The following ELOVL5 variants were observed in gnomAD, a reference collection of about 807,000 sequenced individuals.
The protein encoded by ELOVL5 is ELOVL fatty acid elongase 5.
ELOVL5 carries 8 observed loss-of-function variants against 38.6 expected under a neutral mutation model. The observed-to-expected ratio is 0.21, with a 90% CI of 0.12 to 0.37. The LOEUF (loss-of-function observed/expected upper bound fraction) is 0.37, where lower values mean the gene tolerates loss of function less well. ELOVL5 is among the 10% of genes least tolerant of loss of function. The probability of loss-of-function intolerance (pLI) is 1.00; values close to 1 mark genes in which losing one functional copy is unlikely to be tolerated. For missense variants in ELOVL5, 280 were observed against 367.8 expected (o/e 0.76, Z 1.95); for synonymous variants, 127 against 133.7 (o/e 0.95, Z 0.34).
In ELOVL5 at chr6:53,323,481, T is replaced by A. The variant is rs573470360; in HGVS notation, c.-9+25336A>T. Among the ~76,000 whole-genome samples the A allele has an allele frequency of 6.6e-5, 10 of 151,588 alleles. No homozygotes were observed. In the East Asian group the frequency reaches 1.9e-3, roughly 29 times the overall value. On this transcript the variant is annotated intron_variant, in intron 1 of 7. Coordinates refer to ENST00000304434, the MANE Select transcript of ELOVL5 (RefSeq NM_021814.5). ...AGACATGACATAAAAGCAAATACAGTGATAACATGATCTCAGTGAAGCTAT... is the reference window on the plus strand; with the variant it reads ...AGACATGACATAAAAGCAAATACAGAGATAACATGATCTCAGTGAAGCTAT...
intron 1 of ELOVL5, among the ~76,000 whole-genome samples, chr6:53,310,617 T>C (rs1188886608): frequency 6.6e-6 from 1 of 152,158 alleles, no homozygotes; most frequent in African/African-American, 2.4e-5. Context: ...ATGTTGTTAA[T>C]TTGGAGACAG....
intron 1 of ELOVL5, among the ~76,000 whole-genome samples, chr6:53,346,946 G>A (rs1769572632): frequency 6.6e-6 from 1 of 152,172 alleles, no homozygotes; most frequent in African/African-American, 2.4e-5. Context: ...ACCACCATTT[G>A]GCAGACTCAA....
intron 1 of ELOVL5, among the ~76,000 whole-genome samples, chr6:53,298,811 T>A (rs1402977353): frequency 6.8e-6 from 1 of 147,108 alleles, no homozygotes; most frequent in Admixed American, 7.1e-5. Flanking sequence ...ATGCCATCAG[T>A]GAGCTCCAAT....
At chr6:53,348,634 AC>A (rs1432733272) in intron 1 of ELOVL5, among the ~76,000 whole-genome samples, 182 bp downstream of exon 1, 1 of 152,078 alleles carries the variant, frequency 6.6e-6, no homozygotes, top group African/African-American at 2.4e-5. Context: ...GCCGGGCTGT[AC>A]CCCGGAGCCG....
chr6:53,278,786 C>T (rs998439358), intron 3 of ELOVL5, among the ~76,000 whole-genome samples: 1 of 152,210 alleles, frequency 6.6e-6, no homozygotes, highest in Non-Finnish European at 1.5e-5. Flanking sequence ...CTGCTACTCA[C>T]ACCTACCACA....
intron 3 of ELOVL5, among the ~76,000 whole-genome samples, chr6:53,283,154 T>G (rs1054125053): frequency 2.0e-5 from 3 of 152,216 alleles, no homozygotes; most frequent in Non-Finnish European, 4.4e-5. Flanking sequence ...TCTCTCACTA[T>G]AAACACAGGT....
intron 3 of ELOVL5, among the ~76,000 whole-genome samples, chr6:53,283,633 C>T (rs1019214602): frequency 6.6e-6 from 1 of 151,954 alleles, no homozygotes; most frequent in Non-Finnish European, 1.5e-5. Flanking sequence ...AAACTAAAAA[C>T]ACAATAGATG....
chr6:53,314,948 GTAT>G (rs950516603), intron 1 of ELOVL5, among the ~76,000 whole-genome samples: 1 of 152,176 alleles, frequency 6.6e-6, no homozygotes, highest in Non-Finnish European at 1.5e-5. Flanking sequence ...TGTTTAAAAT[GTAT>G]TATGTTTTTC....
chr6:53,348,056 G>T (rs1247935952), intron 1 of ELOVL5, among the ~76,000 whole-genome samples: 1 of 134,044 alleles, frequency 7.5e-6, no homozygotes, highest in Non-Finnish European at 1.6e-5. Context: ...GCAGCCAACC[G>T]CTCCCGCCTC....
In ELOVL5 at chr6:53,267,859, A is replaced by T. The variant is rs1765793282; in HGVS notation, c.*1268T>A. Reference sequence around the variant, plus strand: ...GACACTTTAAAATGACACACATCATAGGCTTTACCTGTTTGACCACTGCCT... The same window carrying T: ...GACACTTTAAAATGACACACATCATTGGCTTTACCTGTTTGACCACTGCCT... On this transcript the variant is annotated 3_prime_UTR_variant, in exon 8 of 8. Transcript: ENST00000304434. 6.6e-6 allele frequency: 1 copy of T among 152,354 alleles called. No homozygotes were observed. The highest frequency in any genetic ancestry group is 2.4e-5 in the African/African-American group (1 of 41,474). 9.4% of individuals were successfully genotyped at this position (152,354 alleles called of 1,614,324 possible).
intron 1 of ELOVL5, among the ~76,000 whole-genome samples, chr6:53,335,691 C>T (rs576117578): frequency 6.4e-4 from 97 of 152,242 alleles, no homozygotes; most frequent in African/African-American, 2.3e-3. Context: ...CCGGTTCTTG[C>T]CCAAACTCTA....
At chr6:53,284,301 CT>C (rs5876312) in intron 3 of ELOVL5, among the ~76,000 whole-genome samples, 44,156 of 147,776 alleles carry the variant, frequency 0.3, 6,760 homozygotes, top group Middle Eastern at 0.42. Context: ...GCAAGACCAT[CT>C]TTTTTTTTTT....
intron 3 of ELOVL5, among the ~76,000 whole-genome samples, chr6:53,276,475 C>T (rs761567799): frequency 6.6e-6 from 1 of 152,186 alleles, no homozygotes; most frequent in Non-Finnish European, 1.5e-5. Context: ...CACTCCCAGG[C>T]TGCTGCCCTC....
intron 3 of ELOVL5, among the ~76,000 whole-genome samples, chr6:53,282,142 T>C (rs369271341): frequency 4.6e-5 from 7 of 152,350 alleles, no homozygotes; most frequent in African/African-American, 1.7e-4. Context: ...GTAGGCACTA[T>C]CTGTCTTTGC....
intron 1 of ELOVL5, among the ~76,000 whole-genome samples, chr6:53,299,817 G>A (rs1444110043): frequency 1.3e-5 from 2 of 152,086 alleles, no homozygotes; most frequent in Non-Finnish European, 2.9e-5. Context: ...TGTCAGAAAC[G>A]GTACATCTGT....
chr6:53,310,717 G>A (rs185655720), intron 1 of ELOVL5, among the ~76,000 whole-genome samples: 4 of 152,166 alleles, frequency 2.6e-5, no homozygotes, highest in East Asian at 3.9e-4. Context: ...CTAGGATTAC[G>A]GGAGTGAGCC....
chr6:53,279,319 T>C (rs1417532397), intron 3 of ELOVL5, among the ~76,000 whole-genome samples: 3 of 152,212 alleles, frequency 2.0e-5, no homozygotes, highest in Non-Finnish European at 4.4e-5. Context: ...CAAAATCCTA[T>C]CTATCCTTCA....
At chr6:53,301,569 C>A (rs1029743733) in intron 1 of ELOVL5, among the ~76,000 whole-genome samples, 8 of 152,218 alleles carry the variant, frequency 5.3e-5, no homozygotes, top group African/African-American at 1.7e-4. Flanking sequence ...CTGCACTCAA[C>A]CTAGGGGGCT....
chr6:53,277,248 C>T (rs1291349325), intron 3 of ELOVL5, among the ~76,000 whole-genome samples: 2 of 152,146 alleles, frequency 1.3e-5, no homozygotes, highest in East Asian at 3.9e-4. Context: ...AGCCGCTGCA[C>T]TCACGCTGGG....
Sources: gnomAD v4.1 joint callset for allele counts (sites outside exome capture counted in the v4.1 genomes callset) on GRCh38, gnomAD v4.1.1 for gene constraint, MANE v1.5 for transcripts, NCBI Gene and HGNC (gene_info 2026-07-23, HGNC 2026-07-21) for gene names.